GLOD4: variants seen among roughly 807,000 people sequenced by gnomAD.
GLOD4 encodes the protein glyoxalase domain-containing protein 4.
In GLOD4, 44 loss-of-function variants were observed where a neutral mutation model predicts 39.1. That is an observed-to-expected ratio of 1.13 (90% confidence interval 0.88 to 1.45). The LOEUF (loss-of-function observed/expected upper bound fraction) is 1.45, where lower values mean the gene tolerates loss of function less well. Ranked by LOEUF, GLOD4 falls within the 40% of genes most tolerant of loss-of-function variation. The pLI, the probability that GLOD4 is intolerant of heterozygous loss-of-function variation, is 0.00. For synonymous variants in GLOD4, 145 were observed against 135.0 expected (o/e 1.07, Z -0.52); for missense variants, 405 against 366.4 (o/e 1.11, Z -0.86).
In GLOD4 at chr17:766,510, C is replaced by T. The variant is rs537871833; in HGVS notation, c.831+3359G>A. On this transcript the variant is annotated intron_variant, in intron 8 of 8. Transcript: ENST00000301329. ...ACTTGGGAGGCTGAGGCAGGAGAAT[C>T]GCTTGATCCCGGGAGGTGGAGGTTG... 2.0e-5 allele frequency among the ~76,000 whole-genome samples: 3 copies of T among 152,016 alleles called. No homozygotes were observed. The East Asian group carries it at 5.8e-4, about 29-fold the overall frequency.
chr17:770,453 C>T lies in GLOD4; in HGVS notation c.598G>A (p.Gly200Arg). 6.3e-7 allele frequency: 1 copy of T among 1,593,090 alleles called. No homozygotes were observed. The highest frequency in any genetic ancestry group is 1.1e-5 in the South Asian group (1 of 90,686). The change falls in exon 6 of 9, where the codon GGA becomes AGA. Residue 200 changes from glycine to arginine, a missense_variant. Gly to Arg is a moderately radical substitution (Grantham distance 125, BLOSUM62 -2). Transcript: ENST00000301329. ...TGGGGGCAAGAGAAGGCAATTCTTC[C>T]AAAAGCTGCTGCATGGTCCACCCCA... Reference protein sequence around the residue: ...KGGVDHAAAFGRIAFSCPQKE... With the variant: ...KGGVDHAAAFRRIAFSCPQKE...
intron 4 of GLOD4, among the ~76,000 whole-genome samples, chr17:773,210 T>C (rs1908297841): frequency 6.6e-6 from 1 of 152,176 alleles, no homozygotes; most frequent in African/African-American, 2.4e-5. Flanking sequence ...CTTTAAAAAG[T>C]GCTCATTGCT....
intron 3 of GLOD4, 36 bp downstream of exon 3, chr17:776,832 C>T: frequency 6.4e-7 from 1 of 1,572,374 alleles, no homozygotes; most frequent in Non-Finnish European, 8.8e-7. Context: ...CCACCTACCC[C>T]CAGCCAAAAC....
chr17:760,493 C>T (rs796245839), intron 8 of GLOD4, among the ~76,000 whole-genome samples: 8 of 152,266 alleles, frequency 5.3e-5, no homozygotes, highest in African/African-American at 1.9e-4. Flanking sequence ...GATCCTCACT[C>T]GGCAGAGTCA....
chr17:782,397 C>T (rs149975218), upstream of GLOD4: 525 of 1,613,744 alleles, frequency 3.3e-4, 3 homozygotes, highest in African/African-American at 6.3e-3. Context: ...GCTGGTGAGA[C>T]CCGCGAGGTT....
chr17:775,803 A>G lies in GLOD4; in HGVS notation c.378T>C (p.Tyr126=). 3 of 1,614,040 alleles carry G rather than the reference A, an allele frequency of 1.9e-6. No individual in the cohort carries two copies. Among genetic ancestry groups the G allele is most frequent in the Non-Finnish European group, 2.5e-6 (3 of 1,179,922 alleles). The stretch of plus-strand genomic sequence containing the variant: ...ACTGAGGCAGACTGCGATTCTGCAA[A>G]TAGAACTTATATCCTCCCGGGGCCT... ...ETEAPGGYKF[Y]LQNRSLPQSD... is the part of the protein sequence containing the mutation. Residue 126 remains tyrosine (Y), a synonymous_variant, in exon 4 of 9, where the codon TAT becomes TAC. Transcript: ENST00000301329.
intron 8 of GLOD4, 51 bp from the exon 9 acceptor site, chr17:760,289 G>T: frequency 1.0e-6 from 1 of 976,242 alleles, no homozygotes; most frequent in Non-Finnish European, 1.7e-6. Flanking sequence ...AAAAACAAAA[G>T]ACATAGCCCA....
At chr17:767,089 T>G (rs1057313177) in intron 8 of GLOD4, among the ~76,000 whole-genome samples, 2 of 152,228 alleles carry the variant, frequency 1.3e-5, no homozygotes, top group African/African-American at 4.8e-5. Context: ...TTTGCCAAGC[T>G]CTATAAACCA....
Position 770,487 on chromosome 17 carries a change from GC to G in GLOD4, c.563del (p.Gly188AlafsTer27), listed in dbSNP as rs769013224. 2.5e-6 allele frequency: 4 copies of G among 1,572,176 alleles called. No individual in the cohort carries two copies. The highest frequency in any genetic ancestry group is 3.5e-6 in the Non-Finnish European group (4 of 1,141,676). On this transcript the variant is annotated frameshift_variant, in exon 6 of 9. Transcript: ENST00000301329. LOFTEE classifies it high-confidence loss of function. ...CTGCATGGTCCACCCCACCCTTGAC[GC>G]CCTGTAGCTCCAGCTTACACTGAAA... ...ADNQCKLELQ[G>X]VKGGVDHAAA...
At chr17:784,536 G>A (rs1057130426), upstream of GLOD4, among the ~76,000 whole-genome samples, 1 of 150,926 alleles carries the variant, frequency 6.6e-6, no homozygotes, top group Non-Finnish European at 1.5e-5. Context: ...ACAGTGGCCA[G>A]CCCATCTTGA....
chr17:764,404 C>T (rs1044994651), intron 8 of GLOD4: 3 of 152,208 alleles, frequency 2.0e-5, no homozygotes, highest in African/African-American at 4.8e-5. Context: ...GAATGTAGAC[C>T]TACTGGACCT....
intron 8 of GLOD4, among the ~76,000 whole-genome samples, chr17:766,180 T>TC (rs1378554516): frequency 6.7e-6 from 1 of 149,430 alleles, no homozygotes; most frequent in Non-Finnish European, 1.5e-5. Context: ...CGCCTATGGT[T>TC]CCAGCTACTA....
intron 2 of GLOD4, 198 bp from the exon 3 acceptor site, chr17:777,186 T>C (rs1282785821): frequency 1.7e-6 from 1 of 585,856 alleles, no homozygotes; most frequent in African/African-American, 1.9e-5. Flanking sequence ...CCAAAGACTA[T>C]CCAGCATCTA....
upstream of GLOD4, among the ~76,000 whole-genome samples, chr17:784,769 TG>T (rs1197635672): frequency 1.3e-5 from 2 of 152,150 alleles, no homozygotes; most frequent in Admixed American, 1.3e-4. Flanking sequence ...CTCCGTATAG[TG>T]GGTTCTCATC....
chr17:778,563 C>T, intron 2 of GLOD4, 132 bp downstream of exon 2: 1 of 722,330 alleles, frequency 1.4e-6, no homozygotes, highest in East Asian at 2.6e-5. Flanking sequence ...TCCCGACGCT[C>T]CTGAAGTTGC....
At chr17:765,801 T>A (rs1019335679) in intron 8 of GLOD4, among the ~76,000 whole-genome samples, 33 of 151,126 alleles carry the variant, frequency 2.2e-4, no homozygotes, top group African/African-American at 7.0e-4. Flanking sequence ...ATACAAAAAT[T>A]AGCCAGGTGT....
rs376028996 is a variant in GLOD4 at position 779,251 on chromosome 17, T to A, written c.91-507A>T. On this transcript the variant is annotated intron_variant, in intron 1 of 8. Transcript: ENST00000301329. ...AATCACTTGGACCATGAGATGGAGGTTGCAGTGAGCCGAGATCGTGCCCCT... is the reference window on the plus strand; with the variant it reads ...AATCACTTGGACCATGAGATGGAGGATGCAGTGAGCCGAGATCGTGCCCCT... 2.4e-3 allele frequency among the ~76,000 whole-genome samples: 311 copies of A among 129,974 alleles called. 1 individual carries two copies. The highest frequency in any genetic ancestry group is 8.9e-3 in the African/African-American group (299 of 33,468). The allele number at this position is 129,974 out of a possible 152,430, so 85.3% of individuals were successfully genotyped here.
At chr17:782,723 C>G (rs1018815944), upstream of GLOD4, 1 of 1,564,634 alleles carries the variant, frequency 6.4e-7, no homozygotes, top group South Asian at 1.2e-5. Context: ...GTCGAATGTT[C>G]TCGTTTCCCT....
At chr17:771,237 T>C in intron 5 of GLOD4, 88 bp downstream of exon 5, 1 of 751,932 alleles carries the variant, frequency 1.3e-6, no homozygotes, top group East Asian at 2.7e-5. Flanking sequence ...TCATGTTAAC[T>C]TCATTTATAA....
Sources: gnomAD v4.1 joint callset for allele counts (sites outside exome capture counted in the v4.1 genomes callset) on GRCh38, gnomAD v4.1.1 for gene constraint, MANE v1.5 for transcripts, NCBI Gene and HGNC (gene_info 2026-07-23, HGNC 2026-07-21) for gene names.